Variants in DTNB observed in about 807,000 individuals in gnomAD.
The protein encoded by DTNB is dystrobrevin beta.
DTNB carries 63 observed loss-of-function variants against 90.7 expected under a neutral mutation model. The ratio of observed to expected loss-of-function variants is 0.69; its 90% confidence interval spans 0.57 to 0.86. The LOEUF (loss-of-function observed/expected upper bound fraction) is 0.86. Ranked by LOEUF, DTNB falls within the 40% of genes least tolerant of loss-of-function variation. The pLI is 0.00. For missense variants in DTNB, 744 were observed against 807.1 expected (o/e 0.92, Z 0.95); for synonymous variants, 277 against 286.7 (o/e 0.97, Z 0.34).
chr2:25,654,688 T>G (rs1013044867), intron 1 of DTNB, among the ~76,000 whole-genome samples: 22 of 152,206 alleles, frequency 1.4e-4, no homozygotes, highest in African/African-American at 5.1e-4. Flanking sequence ...ATTTGTCAAA[T>G]GGACATAATG....
At chr2:25,441,907 T>C (rs2057478539) in intron 12 of DTNB, among the ~76,000 whole-genome samples, 1 of 152,208 alleles carries the variant, frequency 6.6e-6, no homozygotes, top group Non-Finnish European at 1.5e-5. Flanking sequence ...TGGTATTTAA[T>C]CTGCATTCTG....
At position 25,580,787 on chromosome 2, in the gene DTNB, C is replaced by A. The variant is rs1231008426; in HGVS notation, c.643G>T (p.Ala215Ser). ...MLNMFLDTMM[A>S]DPPPQCLVWL... The stretch of plus-strand genomic sequence containing the variant: ...ACAAGGCACTGGGGAGGAGGGTCAG[C>A]CATCATTGTGTCTAAAAACATATTT... The change falls in exon 7 of 21, where the codon GCT becomes TCT. Residue 215 changes from alanine to serine, a missense_variant. Ala to Ser is a moderately conservative substitution (Grantham distance 99). Coordinates refer to ENST00000406818, the MANE Select transcript of DTNB (RefSeq NM_021907.5). 2.5e-6 allele frequency: 4 copies of A among 1,613,464 alleles called. No individual in the cohort carries two copies. In the Admixed American group the frequency reaches 5.0e-5, roughly 20 times the overall value.
chr2:25,549,993 C>G (rs1004727352), intron 8 of DTNB, among the ~76,000 whole-genome samples: 27 of 151,898 alleles, frequency 1.8e-4, no homozygotes, highest in Non-Finnish European at 5.9e-5. Context: ...CCAGCAAAGT[C>G]CTTAAAGTCT....
chr2:25,599,633 C>T (rs1210628871), intron 5 of DTNB, among the ~76,000 whole-genome samples: 2 of 152,146 alleles, frequency 1.3e-5, no homozygotes, highest in Admixed American at 6.5e-5. Context: ...GCCACAGTGT[C>T]TGGCCCAAAC....
At chr2:25,598,781 G>A (rs1446214392) in intron 5 of DTNB, 2 of 152,102 alleles carry the variant, frequency 1.3e-5, no homozygotes, top group East Asian at 1.9e-4. Context: ...TATGACAGGA[G>A]CATGCAGCCT....
chr2:25,459,250 C>T (rs969470447), intron 10 of DTNB, among the ~76,000 whole-genome samples: 1 of 151,724 alleles, frequency 6.6e-6, no homozygotes, highest in Non-Finnish European at 1.5e-5. Context: ...TTCTCCCTCT[C>T]GTCTGTTAGA....
At chr2:25,526,542 C>G (rs762936700) in intron 9 of DTNB, among the ~76,000 whole-genome samples, 3 of 151,410 alleles carry the variant, frequency 2.0e-5, no homozygotes, top group Non-Finnish European at 4.4e-5. Context: ...ATTACAGGCA[C>G]TGGCCGCCAC....
Position 25,580,749 on chromosome 2 carries a change from G to A in DTNB, c.681C>T (p.Leu227=). Residue 227 remains leucine (L), a synonymous_variant, in exon 7 of 21, where the codon CTC becomes CTT. Transcript: ENST00000406818. ...PPPQCLVWLP[L]MHRLAHVENV... is the part of the protein sequence containing the mutation. ...TCTCAACATGGGCAAGCCTGTGCAT[G>A]AGAGGTAGCCAGACAAGGCACTGGG... is the stretch of plus-strand genomic sequence containing the variant. The A allele has an allele frequency of 6.2e-7, 1 of 1,613,650 alleles. No homozygotes were observed. Among genetic ancestry groups the A allele is most frequent in the Non-Finnish European group, 8.5e-7 (1 of 1,179,600 alleles).
chr2:25,444,850 T>G (rs2058149987), intron 12 of DTNB, among the ~76,000 whole-genome samples: 1 of 152,208 alleles, frequency 6.6e-6, no homozygotes, highest in Non-Finnish European at 1.5e-5. Flanking sequence ...AATGTGAGAT[T>G]AGAGGATTAG....
chr2:25,397,213 T>C (rs867379328), intron 16 of DTNB, among the ~76,000 whole-genome samples: 1 of 151,460 alleles, frequency 6.6e-6, no homozygotes, highest in South Asian at 2.1e-4. Context: ...TAAAAACAAT[T>C]CAAATGTCCA....
At chr2:25,584,407 A>C (rs1187534179) in intron 6 of DTNB, among the ~76,000 whole-genome samples, 1 of 152,232 alleles carries the variant, frequency 6.6e-6, no homozygotes, top group Non-Finnish European at 1.5e-5. Context: ...AGAGGCAAAT[A>C]TTAAAGATAA....
chr2:25,557,330 G>A (rs149593877), intron 8 of DTNB, among the ~76,000 whole-genome samples: 1 of 152,276 alleles, frequency 6.6e-6, no homozygotes, highest in African/African-American at 2.4e-5. Context: ...GTCACTGAAT[G>A]AATACCAGGA....
At chr2:25,470,369 A>ATCTTT (rs2062567558) in intron 10 of DTNB, among the ~76,000 whole-genome samples, 1 of 132,780 alleles carries the variant, frequency 7.5e-6, no homozygotes, top group Non-Finnish European at 1.6e-5. Context: ...TTACACGACA[A>ATCTTT]TTTTTTTTTT....
At chr2:25,562,793 G>A (rs1003447255) in intron 8 of DTNB, among the ~76,000 whole-genome samples, 1 of 151,176 alleles carries the variant, frequency 6.6e-6, no homozygotes, top group Admixed American at 6.6e-5. Flanking sequence ...TTTTTTTTGA[G>A]ATGGAGTCTC....
chr2:25,604,135 A>G (rs1207120288), intron 5 of DTNB, among the ~76,000 whole-genome samples: 1 of 152,168 alleles, frequency 6.6e-6, no homozygotes, highest in African/African-American at 2.4e-5. Flanking sequence ...CACCAAAAAC[A>G]CATAACATCA....
chr2:25,527,585 C>T (rs998959380), intron 9 of DTNB, among the ~76,000 whole-genome samples: 6 of 151,838 alleles, frequency 4.0e-5, no homozygotes, highest in Non-Finnish European at 5.9e-5. Flanking sequence ...GGCCCATTAG[C>T]ACACATACTG....
At chr2:25,481,069 G>T (rs961684994) in intron 10 of DTNB, among the ~76,000 whole-genome samples, 1 of 151,880 alleles carries the variant, frequency 6.6e-6, no homozygotes, top group African/African-American at 2.4e-5. Flanking sequence ...ACCCCAAAAG[G>T]TAGATATTAT....
At chr2:25,669,310 C>T (rs911341593) in intron 1 of DTNB, among the ~76,000 whole-genome samples, 1 of 151,866 alleles carries the variant, frequency 6.6e-6, no homozygotes, top group Non-Finnish European at 1.5e-5. Flanking sequence ...AGTTAGAGTG[C>T]TGAAAAACTG....
chr2:25,639,765 G>A (rs754409487), intron 2 of DTNB, among the ~76,000 whole-genome samples: 2 of 152,206 alleles, frequency 1.3e-5, no homozygotes, highest in African/African-American at 2.4e-5. Flanking sequence ...AGTACAGTGC[G>A]GGACTTCTGG....
Sources: gnomAD v4.1 joint callset for allele counts (sites outside exome capture counted in the v4.1 genomes callset) on GRCh38, gnomAD v4.1.1 for gene constraint, MANE v1.5 for transcripts, NCBI Gene and HGNC (gene_info 2026-07-23, HGNC 2026-07-21) for gene names.